The following NUMB variants were observed in gnomAD, a reference collection of about 807,000 sequenced individuals.
NUMB encodes protein numb homolog.
A neutral mutation model predicts 59.7 loss-of-function variants in NUMB; 29 were observed. The ratio of observed to expected loss-of-function variants is 0.49; its 90% CI spans 0.36 to 0.66. The LOEUF is 0.66. Among genes scored for constraint, NUMB ranks in the 30% least tolerant of loss-of-function variants. NUMB has a pLI of 0.00. For synonymous variants in NUMB, 288 were observed against 288.2 expected (o/e 1.00, Z 0.01); for missense variants, 723 against 822.0 (o/e 0.88, Z 1.47).
At chr14:73,286,232 G>C (rs1005749576) in intron 9 of NUMB, 3 of 107,992 alleles carry the variant, frequency 2.8e-5, no homozygotes, top group Admixed American at 2.7e-4. Flanking sequence ...TTAAGGGATA[G>C]AGTCTATGTT....
intron 4 of NUMB, among the ~76,000 whole-genome samples, chr14:73,351,342 C>T (rs1164715235): frequency 4.6e-5 from 7 of 151,830 alleles, no homozygotes; most frequent in Non-Finnish European, 8.8e-5. Flanking sequence ...CATGGGGGCA[C>T]GTGCCTATAG....
At chr14:73,290,953 T>C (rs1188306305) in intron 8 of NUMB, among the ~76,000 whole-genome samples, 1 of 152,222 alleles carries the variant, frequency 6.6e-6, no homozygotes, top group East Asian at 1.9e-4. Context: ...TTGTCTTTCA[T>C]GTTAAAATGC....
chr14:73,433,070 G>A (rs1897900674), intron 1 of NUMB, among the ~76,000 whole-genome samples: 1 of 151,946 alleles, frequency 6.6e-6, no homozygotes, highest in Non-Finnish European at 1.5e-5. Flanking sequence ...AGCAGGGCAT[G>A]ATGGCACACG....
intron 2 of NUMB, among the ~76,000 whole-genome samples, chr14:73,369,033 T>G (rs2140050938): frequency 7.1e-6 from 1 of 140,116 alleles, no homozygotes; most frequent in South Asian, 2.3e-4. Context: ...ATAAACCTAA[T>G]AGAACATTTT....
At chr14:73,395,796 T>C (rs1896102227) in intron 2 of NUMB, among the ~76,000 whole-genome samples, 1 of 152,110 alleles carries the variant, frequency 6.6e-6, no homozygotes, top group East Asian at 1.9e-4. Context: ...CAATGCATAG[T>C]TTTTCCTGTG....
At chr14:73,408,545 T>TA (rs1477629385) in intron 2 of NUMB, among the ~76,000 whole-genome samples, 1 of 152,186 alleles carries the variant, frequency 6.6e-6, no homozygotes, top group Non-Finnish European at 1.5e-5. Context: ...CTTTTGTCTC[T>TA]ACTTTTGATT....
At chr14:73,419,801 C>G (rs1010202340) in intron 1 of NUMB, among the ~76,000 whole-genome samples, 32 of 152,214 alleles carry the variant, frequency 2.1e-4, no homozygotes, top group African/African-American at 7.7e-4. Context: ...TTAGGGCACA[C>G]GTACAGAATT....
chr14:73,325,024 T>C (rs1281809085), intron 4 of NUMB, among the ~76,000 whole-genome samples: 4 of 151,682 alleles, frequency 2.6e-5, no homozygotes, highest in African/African-American at 9.7e-5. Flanking sequence ...AACCTAATAA[T>C]GTCACACCAG....
At chr14:73,320,376 C>G (rs915300737) in intron 5 of NUMB, among the ~76,000 whole-genome samples, 1 of 152,072 alleles carries the variant, frequency 6.6e-6, no homozygotes, top group African/African-American at 2.4e-5. Flanking sequence ...AAACAATCAC[C>G]AACATATCTA....
chr14:73,363,306 G>GA (rs950091833), intron 3 of NUMB, among the ~76,000 whole-genome samples: 27 of 144,454 alleles, frequency 1.9e-4, no homozygotes, highest in African/African-American at 5.1e-4. Flanking sequence ...AGAAAAAGAA[G>GA]AAAAAAAAAA....
At chr14:73,287,790 T>C (rs1261683779) in intron 8 of NUMB, among the ~76,000 whole-genome samples, 1 of 152,254 alleles carries the variant, frequency 6.6e-6, no homozygotes, top group Non-Finnish European at 1.5e-5. Flanking sequence ...GTAGTGCTTA[T>C]GATGGTTCAA....
chr14:73,316,338 A>G, intron 6 of NUMB, 52 bp downstream of exon 6: 1 of 1,511,032 alleles, frequency 6.6e-7, no homozygotes. Flanking sequence ...TCAGTGCTAC[A>G]CTAGGGGTGT....
chr14:73,308,274 A>C (rs1005218624), intron 6 of NUMB, among the ~76,000 whole-genome samples: 1 of 152,152 alleles, frequency 6.6e-6, no homozygotes, highest in Non-Finnish European at 1.5e-5. Flanking sequence ...GAAAAAGAGA[A>C]GTCAAGGTCA....
chr14:73,345,574 T>A (rs1337875806), intron 4 of NUMB, among the ~76,000 whole-genome samples: 1 of 152,208 alleles, frequency 6.6e-6, no homozygotes, highest in African/African-American at 2.4e-5. Context: ...TTTTTGTTTA[T>A]GTCAGTTATA....
intron 1 of NUMB, among the ~76,000 whole-genome samples, chr14:73,412,553 G>C (rs1595007814): frequency 6.6e-6 from 1 of 151,186 alleles, no homozygotes; most frequent in East Asian, 2.0e-4. Context: ...CTTGAACCCA[G>C]GAGGTGGAGG....
chr14:73,373,902 C>T (rs1346026583), intron 2 of NUMB, among the ~76,000 whole-genome samples: 2 of 151,898 alleles, frequency 1.3e-5, no homozygotes, highest in Non-Finnish European at 2.9e-5. Flanking sequence ...GAATTTTGCT[C>T]TTGTTGTCCA....
intron 6 of NUMB, among the ~76,000 whole-genome samples, chr14:73,311,349 C>T (rs751998296): frequency 1.3e-5 from 2 of 152,180 alleles, no homozygotes; most frequent in Non-Finnish European, 2.9e-5. Context: ...CCACCGTGCC[C>T]GGCCACGGCA....
intron 4 of NUMB, among the ~76,000 whole-genome samples, chr14:73,349,833 C>T (rs540613531): frequency 6.6e-6 from 1 of 151,260 alleles, no homozygotes; most frequent in Non-Finnish European, 1.5e-5. Context: ...GAGCCAAGAT[C>T]GCGCCACTGC....
Position 73,347,465 on chromosome 14 carries a change from T to A in NUMB, c.126+8161A>T, listed in dbSNP as rs530790874. On this transcript the variant is annotated intron_variant, in intron 4 of 12. Coordinates refer to ENST00000555238, the MANE Select transcript of NUMB (RefSeq NM_001005743.2). ...ATTCTTCCCTTCCACCACTCCCCCATCCTTATACAACATTTTCAGACAAGC... is the reference window on the plus strand; with the variant it reads ...ATTCTTCCCTTCCACCACTCCCCCAACCTTATACAACATTTTCAGACAAGC... Among the ~76,000 whole-genome samples the A allele has an allele frequency of 1.2e-4, 17 of 145,888 alleles. No homozygotes were observed. The East Asian group carries it at 3.1e-3, about 27-fold the overall frequency.
Sources: gnomAD v4.1 joint callset for allele counts (sites outside exome capture counted in the v4.1 genomes callset) on GRCh38, gnomAD v4.1.1 for gene constraint, MANE v1.5 for transcripts, NCBI Gene and HGNC (gene_info 2026-07-23, HGNC 2026-07-21) for gene names.